BMPR2: variants seen among roughly 807,000 people sequenced by gnomAD.
BMPR2 encodes bone morphogenetic protein receptor type-2.
BMPR2 carries 29 observed loss-of-function variants against 100.8 expected under a neutral mutation model. That is an observed-to-expected ratio of 0.29 (90% CI 0.21 to 0.39). BMPR2 has a LOEUF of 0.39. Among genes scored for constraint, BMPR2 ranks in the 10% least tolerant of loss-of-function variants. The pLI is 1.00. For synonymous variants in BMPR2, 382 were observed against 442.3 expected (o/e 0.86, Z 1.71); for missense variants, 1,011 against 1,274.5 (o/e 0.79, Z 3.15).
chr2:202,425,659 CA>C, intron 1 of BMPR2, among the ~76,000 whole-genome samples: 1 of 151,954 alleles, frequency 6.6e-6, no homozygotes. Flanking sequence ...AGAAACAAAC[CA>C]AAAATCCAAG....
chr2:202,404,033 A>G (rs1394936076), intron 1 of BMPR2, among the ~76,000 whole-genome samples: 2 of 151,808 alleles, frequency 1.3e-5, no homozygotes, highest in African/African-American at 4.8e-5. Flanking sequence ...TGAGATATTA[A>G]GGGCTTTTAC....
At chr2:202,529,784 A>G (rs1281208177) in intron 7 of BMPR2, among the ~76,000 whole-genome samples, 1 of 152,208 alleles carries the variant, frequency 6.6e-6, no homozygotes, top group Non-Finnish European at 1.5e-5. Flanking sequence ...ATGCTCATTA[A>G]TGAGCGTAAT....
intron 1 of BMPR2, among the ~76,000 whole-genome samples, chr2:202,452,610 C>T (rs1692011911): frequency 6.6e-6 from 1 of 152,162 alleles, no homozygotes; most frequent in Admixed American, 6.5e-5. Context: ...TAGCAAGACC[C>T]TGTCTCTTAA....
At chr2:202,462,358 T>C (rs984373108) in intron 1 of BMPR2, among the ~76,000 whole-genome samples, 2 of 151,858 alleles carry the variant, frequency 1.3e-5, no homozygotes, top group African/African-American at 4.8e-5. Flanking sequence ...GTAGCTGGGA[T>C]TACAGGCATG....
At chr2:202,423,661 A>G (rs1369735811) in intron 1 of BMPR2, among the ~76,000 whole-genome samples, 1 of 152,200 alleles carries the variant, frequency 6.6e-6, no homozygotes, top group Non-Finnish European at 1.5e-5. Context: ...ACGCTGAGGC[A>G]GGGGTATCGT....
intron 1 of BMPR2, among the ~76,000 whole-genome samples, chr2:202,406,946 C>CT (rs976516178): frequency 4.7e-4 from 70 of 147,938 alleles, no homozygotes; most frequent in African/African-American, 6.2e-4. Flanking sequence ...TTTTCTTTTT[C>CT]TTTTTTTTTT....
At chr2:202,401,026 A>G (rs1690760609) in intron 1 of BMPR2, among the ~76,000 whole-genome samples, 1 of 152,206 alleles carries the variant, frequency 6.6e-6, no homozygotes, top group Non-Finnish European at 1.5e-5. Flanking sequence ...AAAAAATTCA[A>G]ATTGTGAAAG....
intron 1 of BMPR2, among the ~76,000 whole-genome samples, chr2:202,444,121 A>G (rs1487768823): frequency 6.6e-6 from 1 of 150,724 alleles, no homozygotes; most frequent in Non-Finnish European, 1.5e-5. Context: ...CCCTAAAGAA[A>G]GAGATACAGT....
chr2:202,531,698 C>G (rs1350242701), intron 8 of BMPR2, among the ~76,000 whole-genome samples: 2 of 152,180 alleles, frequency 1.3e-5, no homozygotes, highest in East Asian at 3.9e-4. Context: ...ATGGTGCAAT[C>G]TCAGCCCACC....
chr2:202,557,464 AACACACACACACAC>A lies in BMPR2; in HGVS notation c.2866+971_2866+984del, dbSNP rs138065331. On this transcript the variant is annotated intron_variant, in intron 12 of 12. Transcript: ENST00000374580. ...GGTGACAGAATGAAACTCTGTCTCA[AACACACACACACAC>A]ACACACACACACACACACACACACA... 1.8e-3 allele frequency among the ~76,000 whole-genome samples: 229 copies of A among 125,444 alleles called. 1 individual carries two copies. Among genetic ancestry groups the A allele is most frequent in the East Asian group, 0.011 (47 of 4,146 alleles). The allele number at this position is 125,444 out of a possible 152,430, so 82.3% of individuals were successfully genotyped here.
At position 202,555,665 on chromosome 2, in the gene BMPR2, A is replaced by G; in HGVS notation, c.2000A>G (p.Lys667Arg). 1 of 1,614,120 alleles carries G rather than the reference A, an allele frequency of 6.2e-7. No homozygotes were observed. The highest frequency in any genetic ancestry group is 8.5e-7 in the Non-Finnish European group (1 of 1,180,040). Reference protein sequence around the residue: ...QLTEEDLETNKLDPKEVDKNL... With the variant: ...QLTEEDLETNRLDPKEVDKNL... ...ACAGAAGAAGACTTGGAAACCAACAAGCTAGACCCAAAAGAAGTTGATAAG... is the reference window on the plus strand; with the variant it reads ...ACAGAAGAAGACTTGGAAACCAACAGGCTAGACCCAAAAGAAGTTGATAAG... The change falls in exon 12 of 13, where the codon AAG becomes AGG. Residue 667 changes from lysine (K) to arginine (R), a missense_variant. By Grantham distance (26) the Lys-to-Arg change is conservative. Coordinates refer to ENST00000374580, the MANE Select transcript of BMPR2 (RefSeq NM_001204.7).
At chr2:202,543,728 T>G (rs141134687) in intron 10 of BMPR2, among the ~76,000 whole-genome samples, 1 of 152,310 alleles carries the variant, frequency 6.6e-6, no homozygotes, top group Non-Finnish European at 1.5e-5. Context: ...TATTCTATTA[T>G]TAAATGATTT....
intron 1 of BMPR2, among the ~76,000 whole-genome samples, chr2:202,449,101 G>A (rs1691921168): frequency 6.6e-6 from 1 of 151,846 alleles, no homozygotes; most frequent in Non-Finnish European, 1.5e-5. Flanking sequence ...GCGAGGTCGG[G>A]AGTTCGAGAC....
rs1264389090 is a variant in BMPR2, at chr2:202,565,480, C to T, written c.*5534C>T. On this transcript the variant is annotated 3_prime_UTR_variant, in exon 13 of 13. Coordinates refer to ENST00000374580, the MANE Select transcript of BMPR2 (RefSeq NM_001204.7). ...TTCAACCATCAGACCACCAGCAAAT[C>T]GGCACTTAATTTTTGTGTTATCTAA... 1.3e-5 allele frequency: 2 copies of T among 152,478 alleles called. No homozygotes were observed. The highest frequency in any genetic ancestry group is 1.9e-4 in the East Asian group (1 of 5,200). 9.4% of individuals were successfully genotyped at this position (152,478 alleles called of 1,614,324 possible).
chr2:202,547,677 G>A (rs1412871785), intron 10 of BMPR2, among the ~76,000 whole-genome samples: 1 of 151,012 alleles, frequency 6.6e-6, no homozygotes, highest in Non-Finnish European at 1.5e-5. Flanking sequence ...CAGCAACTTG[G>A]GAGGCTGAGG....
At chr2:202,384,380 C>G (rs1238370890) in intron 1 of BMPR2, among the ~76,000 whole-genome samples, 7 of 152,064 alleles carry the variant, frequency 4.6e-5, no homozygotes, top group Non-Finnish European at 1.0e-4. Context: ...AATTATGAGA[C>G]ATGATAAAGT....
chr2:202,428,388 CTCTCTCTT>C (rs1454781909), intron 1 of BMPR2, among the ~76,000 whole-genome samples: 1 of 148,652 alleles, frequency 6.7e-6, no homozygotes, highest in African/African-American at 2.4e-5. Context: ...CTGTTTCTCT[CTCTCTCTT>C]TCTCTCTCTC....
intron 10 of BMPR2, among the ~76,000 whole-genome samples, chr2:202,544,203 CATCTTTCTT>C (rs527577372): frequency 2.6e-5 from 4 of 151,974 alleles, no homozygotes; most frequent in Non-Finnish European, 4.4e-5. Flanking sequence ...GGTTTCTTGT[CATCTTTCTT>C]TGTCTTGTTT....
chr2:202,377,257 C>G lies in BMPR2; in HGVS notation c.-218C>G. The G allele has an allele frequency of 1.6e-6, 1 of 616,600 alleles. No individual in the cohort carries two copies. Among genetic ancestry groups the G allele is most frequent in the South Asian group, 1.9e-5 (1 of 53,820 alleles). The allele number at this position is 616,600 out of a possible 1,614,324, so 38.2% of individuals were successfully genotyped here. A position where few individuals can be genotyped will look rare whatever the true frequency, so the allele number is the denominator to read the frequency against. On this transcript the variant is annotated 5_prime_UTR_variant, in exon 1 of 13. Transcript: ENST00000374580. ...CGGCACCCCGTCCGAGGCGAAGGAA[C>G]CCCCCCAGCCGCGAGGGAGAGAAAT...
Sources: gnomAD v4.1 joint callset for allele counts (sites outside exome capture counted in the v4.1 genomes callset) on GRCh38, gnomAD v4.1.1 for gene constraint, MANE v1.5 for transcripts, NCBI Gene and HGNC (gene_info 2026-07-23, HGNC 2026-07-21) for gene names.